Variants in SLC7A14 observed in about 807,000 individuals in gnomAD.
SLC7A14 encodes the protein gamma-aminobutyric acid transporter SLC7A14.
SLC7A14 carries 37 observed loss-of-function variants against 60.2 expected under a neutral mutation model. That is an observed-to-expected ratio of 0.61 (90% confidence interval 0.47 to 0.81). The LOEUF is 0.81. SLC7A14 is among the 30% of genes least tolerant of loss of function. The pLI is 0.00. For missense variants in SLC7A14, 886 were observed against 982.7 expected (o/e 0.90, Z 1.32); for synonymous variants, 399 against 395.8 (o/e 1.01, Z -0.10).
intron 1 of SLC7A14, among the ~76,000 whole-genome samples, chr3:170,546,405 G>T (rs1350138386): frequency 6.6e-6 from 1 of 152,072 alleles, no homozygotes; most frequent in Non-Finnish European, 1.5e-5. Flanking sequence ...GACTTGGTAG[G>T]TCTCAATGGT....
intron 1 of SLC7A14, among the ~76,000 whole-genome samples, chr3:170,534,533 A>C (rs1441540023): frequency 2.0e-5 from 3 of 152,204 alleles, no homozygotes; most frequent in African/African-American, 7.2e-5. Context: ...ATCCCTTACT[A>C]TGCACTAGGC....
At position 170,489,172 on chromosome 3, in the gene SLC7A14, A is replaced by G. The variant is rs190196743; in HGVS notation, c.760-2804T>C. Among the ~76,000 whole-genome samples the G allele has an allele frequency of 1.1e-4, 17 of 152,380 alleles. No individual in the cohort carries two copies. In the East Asian group the frequency reaches 2.3e-3, roughly 21 times the overall value. On this transcript the variant is annotated intron_variant, in intron 4 of 7. Transcript: ENST00000231706. Reference sequence around the variant, plus strand: ...ATACAACCAACAAAGTGAAGAGACAACCCACAGAATAGGAGAAAATATCTG... The same window carrying G: ...ATACAACCAACAAAGTGAAGAGACAGCCCACAGAATAGGAGAAAATATCTG...
At position 170,557,773 on chromosome 3, in the gene SLC7A14, G is replaced by A. The variant is rs116789930; in HGVS notation, c.-153+28138C>T. 4.3e-4 allele frequency among the ~76,000 whole-genome samples: 66 copies of A among 152,260 alleles called. 1 individual carries two copies. Among genetic ancestry groups the A allele is most frequent in the African/African-American group, 1.5e-3 (62 of 41,542 alleles). The stretch of plus-strand genomic sequence containing the variant: ...GATTAAAGGAGATGGTTTTTGGAAC[G>A]TGCTTAGAAAATGCAGGGTATATAG... On this transcript the variant is annotated intron_variant, in intron 1 of 7. Coordinates refer to ENST00000231706, the MANE Select transcript of SLC7A14 (RefSeq NM_020949.3).
At chr3:170,574,185 A>G (rs1424682700) in intron 1 of SLC7A14, among the ~76,000 whole-genome samples, 1 of 152,152 alleles carries the variant, frequency 6.6e-6, no homozygotes, top group Non-Finnish European at 1.5e-5. Context: ...CTGAAATACC[A>G]TCTGGTTTTG....
intron 1 of SLC7A14, among the ~76,000 whole-genome samples, chr3:170,538,497 C>A (rs1229514401): frequency 6.6e-6 from 1 of 152,148 alleles, no homozygotes; most frequent in African/African-American, 2.4e-5. Flanking sequence ...TGTAATACAA[C>A]AATAAATGGA....
intron 1 of SLC7A14, among the ~76,000 whole-genome samples, chr3:170,582,406 G>A (rs376757854): frequency 1.9e-3 from 283 of 152,190 alleles, no homozygotes; most frequent in African/African-American, 6.5e-3. Flanking sequence ...TATGACTAGT[G>A]TGACTGGGGG....
At chr3:170,469,559 G>T (rs1038781965) in intron 7 of SLC7A14, among the ~76,000 whole-genome samples, 3 of 152,110 alleles carry the variant, frequency 2.0e-5, no homozygotes, top group Non-Finnish European at 4.4e-5. Flanking sequence ...TCACATTAAG[G>T]CCTCTTCTAA....
chr3:170,531,683 G>A (rs1039329483), intron 1 of SLC7A14, among the ~76,000 whole-genome samples: 20 of 152,198 alleles, frequency 1.3e-4, no homozygotes, highest in African/African-American at 4.8e-4. Flanking sequence ...ATTACCCCCA[G>A]ATTATGTTAA....
rs1439385859 is a variant in SLC7A14 at position 170,463,815 on chromosome 3, T to C, written c.*3240A>G. ...ATTTTCCTCCAATTCATTCATTCTG[T>C]CAATCATCAGGTATTTCTTGAATAC... On this transcript the variant is annotated 3_prime_UTR_variant, in exon 8 of 8. Transcript: ENST00000231706. 1 of 152,226 alleles carries C rather than the reference T, an allele frequency of 6.6e-6. No individual in the cohort carries two copies. The highest frequency in any genetic ancestry group is 1.5e-5 in the Non-Finnish European group (1 of 68,048). The allele number at this position is 152,226 out of a possible 1,614,324, so 9.4% of individuals were successfully genotyped here.
At position 170,526,998 on chromosome 3, in the gene SLC7A14, G is replaced by A; in HGVS notation, c.-62C>T. 1.3e-6 allele frequency: 2 copies of A among 1,520,870 alleles called. No individual in the cohort carries two copies. Among genetic ancestry groups the A allele is most frequent in the Non-Finnish European group, 1.8e-6 (2 of 1,129,656 alleles). 94.2% of individuals were successfully genotyped at this position (1,520,870 alleles called of 1,614,324 possible). On this transcript the variant is annotated 5_prime_UTR_variant, in exon 2 of 8. Coordinates refer to ENST00000231706, the MANE Select transcript of SLC7A14 (RefSeq NM_020949.3). Reference sequence around the variant, plus strand: ...GGAAGGGGGCTACAAAGCCTTAGTGGATGGTTCTGGAACTCATCTAGTGAA... The same window carrying A: ...GGAAGGGGGCTACAAAGCCTTAGTGAATGGTTCTGGAACTCATCTAGTGAA...
At chr3:170,509,958 A>G (rs1712916155) in intron 2 of SLC7A14, among the ~76,000 whole-genome samples, 1 of 151,636 alleles carries the variant, frequency 6.6e-6, no homozygotes. Context: ...CATGCCTGTA[A>G]TTCCAGCTAC....
intron 7 of SLC7A14, among the ~76,000 whole-genome samples, chr3:170,469,096 T>C (rs1348512286): frequency 1.3e-5 from 2 of 152,080 alleles, no homozygotes; most frequent in African/African-American, 4.8e-5. Flanking sequence ...GGCACTGGGG[T>C]CCATACAGTA....
At chr3:170,502,792 A>G (rs768811212) in intron 2 of SLC7A14, 1 of 152,228 alleles carries the variant, frequency 6.6e-6, no homozygotes, top group Non-Finnish European at 1.5e-5. Flanking sequence ...GTGATGTACT[A>G]TCTCTTCTTT....
intron 2 of SLC7A14, among the ~76,000 whole-genome samples, chr3:170,504,078 A>T (rs1460212037): frequency 6.6e-6 from 1 of 152,190 alleles, no homozygotes; most frequent in Admixed American, 6.5e-5. Context: ...AATATTTTAA[A>T]ATCTTTCTGA....
intron 1 of SLC7A14, among the ~76,000 whole-genome samples, chr3:170,568,190 G>T (rs1296591543): frequency 6.6e-6 from 1 of 152,088 alleles, no homozygotes; most frequent in Non-Finnish European, 1.5e-5. Context: ...TTTGTATAAG[G>T]TGTAAGGAAG....
chr3:170,577,478 C>A (rs1041656198), intron 1 of SLC7A14, among the ~76,000 whole-genome samples: 1 of 151,324 alleles, frequency 6.6e-6, no homozygotes, highest in Non-Finnish European at 1.5e-5. Context: ...CTTAGCCGGG[C>A]GCGGTGGCGG....
In SLC7A14 at chr3:170,560,810, G is replaced by A. The variant is rs150551855; in HGVS notation, c.-153+25101C>T. On this transcript the variant is annotated intron_variant, in intron 1 of 7. Transcript: ENST00000231706. Reference sequence around the variant, plus strand: ...AAATTATCTCCAATTAATCTTTGACGTGTTTTAATTTAGCCTATGAATTGC... The same window carrying A: ...AAATTATCTCCAATTAATCTTTGACATGTTTTAATTTAGCCTATGAATTGC... Among the ~76,000 whole-genome samples, 17 of 152,206 alleles carry A rather than the reference G, an allele frequency of 1.1e-4. No homozygotes were observed. The East Asian group carries it at 3.3e-3, about 29-fold the overall frequency.
chr3:170,509,356 G>T (rs1712892986), intron 2 of SLC7A14, among the ~76,000 whole-genome samples: 1 of 152,080 alleles, frequency 6.6e-6, no homozygotes, highest in African/African-American at 2.4e-5. Flanking sequence ...ACCTGACAGG[G>T]CTCCAATTAA....
chr3:170,482,778 A>C lies in SLC7A14; in HGVS notation c.1115+536T>G, dbSNP rs543416990. 2.6e-5 allele frequency among the ~76,000 whole-genome samples: 4 copies of C among 152,366 alleles called. No homozygotes were observed. The East Asian group carries it at 7.7e-4, about 29-fold the overall frequency. ...TAGACTTCATATGCAAAATAGAGTT[A>C]CTGTGAGGACTAAATGGGATACTGT... is the stretch of plus-strand genomic sequence containing the variant. On this transcript the variant is annotated intron_variant, in intron 6 of 7. Coordinates refer to ENST00000231706, the MANE Select transcript of SLC7A14 (RefSeq NM_020949.3).
Sources: allele counts gnomAD v4.1 joint callset (sites outside exome capture counted in the v4.1 genomes callset), GRCh38; gene constraint gnomAD v4.1.1; transcripts MANE v1.5; gene names NCBI Gene and HGNC (gene_info 2026-07-23, HGNC 2026-07-21).